DCP1A: variants seen among roughly 807,000 people sequenced by gnomAD.
DCP1A encodes mRNA-decapping enzyme 1A.
A neutral mutation model predicts 58.0 loss-of-function variants in DCP1A; 20 were observed. The observed-to-expected ratio is 0.34, with a 90% confidence interval of 0.24 to 0.50. The LOEUF (loss-of-function observed/expected upper bound fraction) is 0.50, where lower values mean the gene tolerates loss of function less well. Among genes scored for constraint, DCP1A ranks in the 20% least tolerant of loss-of-function variants. DCP1A has a pLI of 0.98. For missense variants in DCP1A, 613 were observed against 712.2 expected (o/e 0.86, Z 1.59); for synonymous variants, 285 against 275.1 (o/e 1.04, Z -0.36).
At chr3:53,307,473 C>T (rs1055953540) in intron 5 of DCP1A, among the ~76,000 whole-genome samples, 3 of 152,222 alleles carry the variant, frequency 2.0e-5, no homozygotes, top group Non-Finnish European at 2.9e-5. Flanking sequence ...GCCTGCTTTA[C>T]TCACTACCAT....
At chr3:53,343,716 A>G (rs2089250810) in intron 2 of DCP1A, among the ~76,000 whole-genome samples, 1 of 152,132 alleles carries the variant, frequency 6.6e-6, no homozygotes, top group Non-Finnish European at 1.5e-5. Flanking sequence ...GGTTCACGAT[A>G]TTCTCCTGCC....
At position 53,319,590 on chromosome 3, in the gene DCP1A, G is replaced by A. The variant is rs1231210441; in HGVS notation, c.305-117C>T. ...AAATGTACCATCAGACCCTCAAATT[G>A]TTAATACTCTATCTAAAGAAAACAA... On this transcript the variant is annotated intron_variant, in intron 3 of 9. Coordinates refer to ENST00000610213, the MANE Select transcript of DCP1A (RefSeq NM_018403.7). 10 of 592,780 alleles carry A rather than the reference G, an allele frequency of 1.7e-5. No individual in the cohort carries two copies. The East Asian group carries it at 2.9e-4, about 17-fold the overall frequency. The allele number at this position is 592,780 out of a possible 1,614,324, so 36.7% of individuals were successfully genotyped here.
Position 53,284,347 on chromosome 3 carries a change from G to A in DCP1A, c.*3233C>T, listed in dbSNP as rs1706545310. 6.6e-6 allele frequency: 1 copy of A among 152,104 alleles called. No homozygotes were observed. Among genetic ancestry groups the A allele is most frequent in the African/African-American group, 2.4e-5 (1 of 41,410 alleles). 9.4% of individuals were successfully genotyped at this position (152,104 alleles called of 1,614,324 possible). A position where few individuals can be genotyped will look rare whatever the true frequency, so the allele number is the denominator to read the frequency against. The stretch of plus-strand genomic sequence containing the variant: ...ATTTCAAACTACATTCTTTGGGGGA[G>A]GAGAGTAATAAAGCTGCATGGTTTA... On this transcript the variant is annotated 3_prime_UTR_variant, in exon 10 of 10. Coordinates refer to ENST00000610213, the MANE Select transcript of DCP1A (RefSeq NM_018403.7).
intron 4 of DCP1A, among the ~76,000 whole-genome samples, chr3:53,318,353 C>T (rs1380132930): frequency 1.3e-5 from 2 of 151,990 alleles, no homozygotes; most frequent in African/African-American, 4.8e-5. Flanking sequence ...TAAGATTAGA[C>T]TGTTAAAAAA....
intron 1 of DCP1A, 119 bp from the exon 2 acceptor site, chr3:53,345,061 A>G: frequency 1.3e-6 from 1 of 792,022 alleles, no homozygotes; most frequent in South Asian, 1.8e-5. Flanking sequence ...CTATTATAAA[A>G]TTAACCACTT....
At chr3:53,326,192 C>T (rs1210854304) in intron 3 of DCP1A, among the ~76,000 whole-genome samples, 2 of 152,146 alleles carry the variant, frequency 1.3e-5, no homozygotes, top group African/African-American at 4.8e-5. Context: ...TCCACAATCC[C>T]ATTAACATTA....
At chr3:53,347,319 C>T in intron 1 of DCP1A, 64 bp downstream of exon 1, 1 of 1,441,252 alleles carries the variant, frequency 6.9e-7, no homozygotes, top group Non-Finnish European at 9.1e-7. Flanking sequence ...CACAGTAACC[C>T]GCGCGGCCCC....
At chr3:53,321,142 C>T (rs1553689904) in intron 3 of DCP1A, among the ~76,000 whole-genome samples, 1 of 152,242 alleles carries the variant, frequency 6.6e-6, no homozygotes, top group Non-Finnish European at 1.5e-5. Flanking sequence ...AGGCCCCCTT[C>T]TTATGTTGGG....
At chr3:53,330,826 T>TATA (rs201457735) in intron 3 of DCP1A, among the ~76,000 whole-genome samples, 1,681 of 87,852 alleles carry the variant, frequency 0.019, 95 homozygotes, top group South Asian at 0.18. Flanking sequence ...TATATATATA[T>TATA]TTTTTTTTTT....
At position 53,324,366 on chromosome 3, in the gene DCP1A, G is replaced by A. The variant is rs1042387117; in HGVS notation, c.305-4893C>T. On this transcript the variant is annotated intron_variant, in intron 3 of 9. Transcript: ENST00000610213. ...GCAAGAAAGCCCAGGGAGCTGCCAC[G>A]GAGCCTGTCACTGTCACTCATGAGG... 3.9e-5 allele frequency among the ~76,000 whole-genome samples: 6 copies of A among 152,148 alleles called. No individual in the cohort carries two copies. In the South Asian group the frequency reaches 1.0e-3, roughly 26 times the overall value.
intron 6 of DCP1A, among the ~76,000 whole-genome samples, chr3:53,295,362 T>C (rs1045637664): frequency 3.3e-5 from 5 of 152,218 alleles, no homozygotes; most frequent in Admixed American, 2.6e-4. Context: ...ATTCTACTAA[T>C]GTTAGACTCT....
chr3:53,345,908 C>T (rs1434339932), intron 1 of DCP1A, among the ~76,000 whole-genome samples: 1 of 152,140 alleles, frequency 6.6e-6, no homozygotes, highest in Non-Finnish European at 1.5e-5. Flanking sequence ...TGCAAAGTTA[C>T]AACTCACTGT....
chr3:53,316,364 C>A (rs1328682488), intron 4 of DCP1A, among the ~76,000 whole-genome samples: 1 of 152,120 alleles, frequency 6.6e-6, no homozygotes, highest in Non-Finnish European at 1.5e-5. Context: ...ATACAATATT[C>A]TCTTCAGCTA....
At chr3:53,318,533 T>C (rs2106848816) in intron 4 of DCP1A, among the ~76,000 whole-genome samples, 1 of 152,000 alleles carries the variant, frequency 6.6e-6, no homozygotes, top group Admixed American at 6.5e-5. Flanking sequence ...CGTCTACCTA[T>C]TATAGCATTT....
chr3:53,290,472 G>A (rs1553685796), intron 8 of DCP1A, among the ~76,000 whole-genome samples: 1 of 152,086 alleles, frequency 6.6e-6, no homozygotes, highest in African/African-American at 2.4e-5. Flanking sequence ...ATCCACAGAA[G>A]CCACAGCAAT....
chr3:53,342,135 T>C lies in DCP1A; in HGVS notation c.304+9A>G, dbSNP rs1553692595. On this transcript the variant is annotated intron_variant, in intron 3 of 9. Transcript: ENST00000610213. ...AATGTAATAACTATAATAAAACAGA[T>C]ATACTCACAGCTTGCATTTCTATAC... The C allele has an allele frequency of 1.9e-6, 3 of 1,590,298 alleles. No individual in the cohort carries two copies. The highest frequency in any genetic ancestry group is 3.5e-5 in the Admixed American group (2 of 57,296).
At chr3:53,311,915 T>C (rs992283976) in intron 5 of DCP1A, among the ~76,000 whole-genome samples, 2 of 151,940 alleles carry the variant, frequency 1.3e-5, no homozygotes, top group Non-Finnish European at 2.9e-5. Context: ...AGTTCTTTCC[T>C]TATGTTTTAG....
At chr3:53,304,411 C>A (rs180862870) in intron 5 of DCP1A, 121 bp from the exon 6 acceptor site, 3 of 665,900 alleles carry the variant, frequency 4.5e-6, no homozygotes, top group Non-Finnish European at 5.0e-6. Flanking sequence ...GAAAAACCAA[C>A]CTCAAAATGT....
In DCP1A at chr3:53,284,087, A is replaced by G. The variant is rs1450372255; in HGVS notation, c.*3493T>C. On this transcript the variant is annotated 3_prime_UTR_variant, in exon 10 of 10. Coordinates refer to ENST00000610213, the MANE Select transcript of DCP1A (RefSeq NM_018403.7). Reference sequence around the variant, plus strand: ...AGAAAACTGAAGGGAGGCAAGAAAGAAAAACATACTCTGCAGCAAACGTGC... The same window carrying G: ...AGAAAACTGAAGGGAGGCAAGAAAGGAAAACATACTCTGCAGCAAACGTGC... 3.9e-5 allele frequency: 6 copies of G among 152,214 alleles called. No individual in the cohort carries two copies. Among genetic ancestry groups the G allele is most frequent in the Admixed American group, 3.3e-4 (5 of 15,264 alleles). 9.4% of individuals were successfully genotyped at this position (152,214 alleles called of 1,614,324 possible).
Sources: gnomAD v4.1 joint callset for allele counts (sites outside exome capture counted in the v4.1 genomes callset) on GRCh38, gnomAD v4.1.1 for gene constraint, MANE v1.5 for transcripts, NCBI Gene and HGNC (gene_info 2026-07-23, HGNC 2026-07-21) for gene names.